Variants in DLG2 observed in about 807,000 individuals in gnomAD.
The protein encoded by DLG2 is disks large homolog 2.
DLG2 carries 45 observed loss-of-function variants against 132.5 expected under a neutral mutation model. The ratio of observed to expected loss-of-function variants is 0.34; its 90% confidence interval spans 0.27 to 0.44. The LOEUF (loss-of-function observed/expected upper bound fraction) is 0.44. Among genes scored for constraint, DLG2 ranks in the 20% least tolerant of loss-of-function variants. The pLI is 1.00. For synonymous variants in DLG2, 424 were observed against 419.6 expected, an observed-to-expected ratio of 1.01 and a Z score of -0.13; for missense variants, 1,045 against 1,196.9, an observed-to-expected ratio of 0.87 and a Z score of 1.87.
At position 84,654,689 on chromosome 11, in the gene DLG2, A is replaced by C. The variant is rs557455892; in HGVS notation, c.358-119958T>G. On this transcript the variant is annotated intron_variant, in intron 6 of 27. Coordinates refer to ENST00000376104, the MANE Select transcript of DLG2 (RefSeq NM_001142699.3). ...TGGTATGTTCAATATCGGGGCCTGGATCTTACTTACTTTTGAACATGGCAC... is the reference window on the plus strand; with the variant it reads ...TGGTATGTTCAATATCGGGGCCTGGCTCTTACTTACTTTTGAACATGGCAC... 4.6e-5 allele frequency among the ~76,000 whole-genome samples: 7 copies of C among 152,230 alleles called. No homozygotes were observed. In the South Asian group the frequency reaches 8.3e-4, roughly 18 times the overall value.
intron 3 of DLG2, among the ~76,000 whole-genome samples, chr11:85,428,587 A>G (rs1219257937): frequency 1.3e-5 from 2 of 152,372 alleles, no homozygotes; most frequent in Non-Finnish European, 2.9e-5. Flanking sequence ...AATGAGAACA[A>G]AGACACAACA....
intron 3 of DLG2, among the ~76,000 whole-genome samples, chr11:85,577,825 T>A (rs1056744060): frequency 6.6e-6 from 1 of 152,066 alleles, no homozygotes; most frequent in Non-Finnish European, 1.5e-5. Flanking sequence ...CCAAAGCAAC[T>A]TATACATTCA....
rs570735504 is a variant in DLG2 at position 83,834,404 on chromosome 11, G to T, written c.1566-634C>A. On this transcript the variant is annotated intron_variant, in intron 16 of 27. Transcript: ENST00000376104. ...TGTGAGGAAGTCACAGCCTGAAGAA[G>T]GGTGACAGCAGTGAGAATTTTAAAA... Among the ~76,000 whole-genome samples the T allele has an allele frequency of 3.3e-5, 5 of 152,280 alleles. No homozygotes were observed. The East Asian group carries it at 9.6e-4, about 29-fold the overall frequency.
intron 16 of DLG2, among the ~76,000 whole-genome samples, chr11:83,849,582 T>C (rs2059279721): frequency 6.6e-6 from 1 of 151,976 alleles, no homozygotes; most frequent in Admixed American, 6.6e-5. Flanking sequence ...AAATAATTTC[T>C]AGATGGGGGT....
At chr11:84,029,925 T>C (rs1216764399) in intron 11 of DLG2, among the ~76,000 whole-genome samples, 1 of 152,196 alleles carries the variant, frequency 6.6e-6, no homozygotes, top group Non-Finnish European at 1.5e-5. Flanking sequence ...CCTCTGTTCA[T>C]TTCAGTTATC....
intron 3 of DLG2, among the ~76,000 whole-genome samples, chr11:85,489,905 T>A (rs562361433): frequency 1.2e-3 from 175 of 152,172 alleles, no homozygotes; most frequent in African/African-American, 4.1e-3. Flanking sequence ...TAAATAAAAA[T>A]AAAAATATTT....
intron 6 of DLG2, among the ~76,000 whole-genome samples, chr11:85,079,604 T>C (rs562614584): frequency 7.9e-5 from 12 of 152,120 alleles, no homozygotes; most frequent in Admixed American, 6.5e-4. Context: ...CACAGCTGCC[T>C]GCTCTGGGTC....
chr11:84,745,781 G>C (rs1018705763), intron 6 of DLG2, among the ~76,000 whole-genome samples: 6 of 152,204 alleles, frequency 3.9e-5, no homozygotes, highest in African/African-American at 9.6e-5. Context: ...AGTAATATCT[G>C]AGGACATCAT....
At chr11:85,223,392 T>C (rs900427219) in intron 4 of DLG2, among the ~76,000 whole-genome samples, 3 of 152,100 alleles carry the variant, frequency 2.0e-5, no homozygotes, top group African/African-American at 7.2e-5. Flanking sequence ...CTCAGCACTC[T>C]GGGAGACTGA....
chr11:83,899,710 A>G (rs1453803688), intron 15 of DLG2, among the ~76,000 whole-genome samples: 5 of 152,174 alleles, frequency 3.3e-5, no homozygotes, highest in Non-Finnish European at 7.3e-5. Flanking sequence ...TGTAAGTCCA[A>G]TAAGCCTCTT....
At chr11:83,575,014 G>T (rs2096852870) in intron 19 of DLG2, among the ~76,000 whole-genome samples, 2 of 152,184 alleles carry the variant, frequency 1.3e-5, no homozygotes, top group Admixed American at 1.3e-4. Context: ...ACTTGCCTAA[G>T]TAAGTTTGAT....
At chr11:85,425,349 C>A (rs986920266) in intron 3 of DLG2, among the ~76,000 whole-genome samples, 10 of 151,822 alleles carry the variant, frequency 6.6e-5, no homozygotes, top group Non-Finnish European at 1.3e-4. Context: ...TTAAATACAG[C>A]AGAATAAAAC....
chr11:85,060,791 C>A (rs948425373), intron 6 of DLG2, among the ~76,000 whole-genome samples: 2 of 151,860 alleles, frequency 1.3e-5, no homozygotes, highest in Non-Finnish European at 2.9e-5. Context: ...CTTACATTCC[C>A]AGAAACAGTG....
At chr11:84,086,998 T>C (rs1381383323) in intron 10 of DLG2, among the ~76,000 whole-genome samples, 1 of 152,202 alleles carries the variant, frequency 6.6e-6, no homozygotes, top group Non-Finnish European at 1.5e-5. Flanking sequence ...AGTACTTTAT[T>C]CCTTTTTCAG....
At chr11:84,801,089 C>A (rs2075313577) in intron 6 of DLG2, among the ~76,000 whole-genome samples, 1 of 152,134 alleles carries the variant, frequency 6.6e-6, no homozygotes, top group African/African-American at 2.4e-5. Flanking sequence ...AGGAGTCGAT[C>A]TTAATTCATC....
At chr11:84,994,681 G>C (rs1013648382) in intron 6 of DLG2, among the ~76,000 whole-genome samples, 1 of 152,182 alleles carries the variant, frequency 6.6e-6, no homozygotes, top group Middle Eastern at 3.2e-3. Context: ...TTATCACAGA[G>C]TGTTGTGTTT....
chr11:84,330,291 G>C (rs572348387), intron 7 of DLG2, among the ~76,000 whole-genome samples: 1 of 152,094 alleles, frequency 6.6e-6, no homozygotes, highest in Non-Finnish European at 1.5e-5. Flanking sequence ...TATATTTTGG[G>C]CAAGGCTTTC....
chr11:83,970,635 T>A (rs553139886), intron 12 of DLG2, among the ~76,000 whole-genome samples: 2 of 152,208 alleles, frequency 1.3e-5, no homozygotes, highest in Non-Finnish European at 2.9e-5. Flanking sequence ...TTTAACCTTG[T>A]AAGCTTTAGT....
chr11:85,179,341 A>G (rs1424089816), intron 4 of DLG2, among the ~76,000 whole-genome samples: 2 of 151,890 alleles, frequency 1.3e-5, no homozygotes, highest in East Asian at 1.9e-4. Flanking sequence ...AAAGAAAAAT[A>G]AACTCAGAGG....
Sources: allele counts gnomAD v4.1 joint callset (sites outside exome capture counted in the v4.1 genomes callset), GRCh38; gene constraint gnomAD v4.1.1; transcripts MANE v1.5; gene names NCBI Gene and HGNC (gene_info 2026-07-23, HGNC 2026-07-21).